Variants in GMCL1 observed in about 807,000 individuals in gnomAD.
GMCL1 encodes the protein germ cell-less 1, spermatogenesis associated, also known as germ cell-less protein-like 1.
GMCL1 carries 54 observed loss-of-function variants against 75.5 expected under a neutral mutation model. The ratio of observed to expected loss-of-function variants is 0.71; its 90% confidence interval spans 0.57 to 0.90. GMCL1 has a LOEUF of 0.90. Ranked by LOEUF, GMCL1 falls within the 40% of genes least tolerant of loss-of-function variation. The probability of loss-of-function intolerance (pLI) is 0.00; values close to 1 mark genes in which losing one functional copy is unlikely to be tolerated. For synonymous variants in GMCL1, 210 were observed against 209.6 expected (o/e 1.00, Z -0.02); for missense variants, 537 against 622.7 (o/e 0.86, Z 1.47).
In GMCL1 at chr2:69,830,172, C is replaced by CGCGCGG. The variant is rs1674630945; in HGVS notation, c.260+21_260+26dup. The CGCGCGG allele has an allele frequency of 6.5e-7, 1 of 1,547,432 alleles. No homozygotes were observed. The highest frequency in any genetic ancestry group is 8.7e-7 in the Non-Finnish European group (1 of 1,146,016). Reference sequence around the variant, plus strand: ...TCGAAGGTACGTGGGGGCACGCACCCGCGCGGACCCGGACCCGCACCTGTT... The same window carrying CGCGCGG: ...TCGAAGGTACGTGGGGGCACGCACCCGCGCGGGCGCGGACCCGGACCCGCACCTGTT... On this transcript the variant is annotated intron_variant, in intron 1 of 13. Coordinates refer to ENST00000282570, the MANE Select transcript of GMCL1 (RefSeq NM_178439.5).
intron 12 of GMCL1, among the ~76,000 whole-genome samples, chr2:69,870,354 ATTAAC>A (rs1326720550): frequency 6.6e-6 from 1 of 152,126 alleles, no homozygotes; most frequent in African/African-American, 2.4e-5. Context: ...AAATACAAAA[ATTAAC>A]TTAAAATGGA....
At chr2:69,874,852 G>A (rs1447440596) in intron 13 of GMCL1, among the ~76,000 whole-genome samples, 3 of 150,102 alleles carry the variant, frequency 2.0e-5, no homozygotes, top group Admixed American at 6.7e-5. Flanking sequence ...ACCTTTCCAC[G>A]CACCTCAGCC....
intron 11 of GMCL1, among the ~76,000 whole-genome samples, chr2:69,865,993 G>C (rs1184922923): frequency 6.6e-6 from 1 of 152,120 alleles, no homozygotes; most frequent in African/African-American, 2.4e-5. Context: ...GCTCATGCCT[G>C]TAATTCCAGC....
chr2:69,830,227 G>T (rs1674632950), intron 1 of GMCL1, 75 bp downstream of exon 1: 7 of 1,481,726 alleles, frequency 4.7e-6, no homozygotes, highest in Middle Eastern at 2.2e-4. Context: ...CGCCTCGTGC[G>T]CTTGCGGGGT....
chr2:69,838,586 T>A (rs916267658), intron 2 of GMCL1, among the ~76,000 whole-genome samples: 1 of 152,206 alleles, frequency 6.6e-6, no homozygotes, highest in African/African-American at 2.4e-5. Flanking sequence ...GAAAATGAAT[T>A]GCCTTCTCTA....
intron 1 of GMCL1, among the ~76,000 whole-genome samples, chr2:69,836,769 C>T (rs1359848813): frequency 6.6e-6 from 1 of 152,048 alleles, no homozygotes; most frequent in Non-Finnish European, 1.5e-5. Context: ...TTTTTTTAGT[C>T]AAGTCTTCCT....
chr2:69,863,075 TAC>T (rs950609099), intron 10 of GMCL1, among the ~76,000 whole-genome samples: 1 of 152,154 alleles, frequency 6.6e-6, no homozygotes, highest in African/African-American at 2.4e-5. Flanking sequence ...CCTTAAGAAG[TAC>T]AGTCATTTTG....
chr2:69,829,862 G>A lies in GMCL1; in HGVS notation c.-31G>A. 6.5e-7 allele frequency: 1 copy of A among 1,534,036 alleles called. No individual in the cohort carries two copies. Among genetic ancestry groups the A allele is most frequent in the Non-Finnish European group, 8.7e-7 (1 of 1,144,340 alleles). On this transcript the variant is annotated 5_prime_UTR_variant, in exon 1 of 14. The change creates a premature stop within an existing upstream ORF in the 5' untranslated region. Coordinates refer to ENST00000282570, the MANE Select transcript of GMCL1 (RefSeq NM_178439.5). Reference sequence around the variant, plus strand: ...CCATGGCGGGAGACCCCCTTCTCTGGGCTCCCTGAAGTCTCGGGGAGCCGT... The same window carrying A: ...CCATGGCGGGAGACCCCCTTCTCTGAGCTCCCTGAAGTCTCGGGGAGCCGT...
chr2:69,855,005 A>G lies in GMCL1; in HGVS notation c.1072+45A>G, dbSNP rs376710098. The G allele has an allele frequency of 2.2e-6, 3 of 1,337,194 alleles. No homozygotes were observed. The African/African-American group carries it at 4.5e-5, about 20-fold the overall frequency. The allele number at this position is 1,337,194 out of a possible 1,614,324, so 82.8% of individuals were successfully genotyped here. A position where few individuals can be genotyped will look rare whatever the true frequency, so the allele number is the denominator to read the frequency against. ...AATTTTAAGTAATATATTTCTGATTATAAAGTAATATAGATCATAGAAAAG... is the reference window on the plus strand; with the variant it reads ...AATTTTAAGTAATATATTTCTGATTGTAAAGTAATATAGATCATAGAAAAG... On this transcript the variant is annotated intron_variant, in intron 9 of 13. Transcript: ENST00000282570.
At chr2:69,868,270 C>G (rs948334887) in intron 11 of GMCL1, among the ~76,000 whole-genome samples, 3 of 152,050 alleles carry the variant, frequency 2.0e-5, no homozygotes, top group African/African-American at 7.2e-5. Flanking sequence ...ACAGTTATCA[C>G]CTCTACTAGG....
At chr2:69,841,614 G>C (rs1317902201) in intron 4 of GMCL1, among the ~76,000 whole-genome samples, 3 of 152,196 alleles carry the variant, frequency 2.0e-5, no homozygotes, top group Non-Finnish European at 4.4e-5. Context: ...TGTGTGGAGA[G>C]GGGAGGGAGG....
chr2:69,872,047 CTGTT>C (rs1675997556), intron 13 of GMCL1, among the ~76,000 whole-genome samples: 3 of 152,244 alleles, frequency 2.0e-5, no homozygotes, highest in East Asian at 1.9e-4. Flanking sequence ...AAAGAAAACA[CTGTT>C]TGAGGGGCAG....
intron 6 of GMCL1, among the ~76,000 whole-genome samples, chr2:69,846,949 C>T (rs191540551): frequency 2.0e-5 from 3 of 151,920 alleles, no homozygotes. Context: ...CCCACCCCTT[C>T]AGCCTCCCGA....
chr2:69,839,446 T>TTG lies in GMCL1; in HGVS notation c.385-10_385-9insGT, dbSNP rs1558537760. On this transcript the variant is annotated splice_polypyrimidine_tract_variant and intron_variant, in intron 2 of 13. Coordinates refer to ENST00000282570, the MANE Select transcript of GMCL1 (RefSeq NM_178439.5). ...GTACTTGATAATCGTTGACTTTTTT[T>TTG]TTTGTTTAAGTCTGGCTACTTTTCT... 6.5e-6 allele frequency: 10 copies of TTG among 1,534,458 alleles called. No individual in the cohort carries two copies. The highest frequency in any genetic ancestry group is 1.4e-5 in the African/African-American group (1 of 72,256).
In GMCL1 at chr2:69,854,967, G is replaced by A. The variant is rs780960635; in HGVS notation, c.1072+7G>A. The A allele has an allele frequency of 3.2e-6, 5 of 1,577,030 alleles. No homozygotes were observed. The highest frequency in any genetic ancestry group is 1.4e-5 in the African/African-American group (1 of 73,112). On this transcript the variant is annotated splice_region_variant and intron_variant, in intron 9 of 13. Transcript: ENST00000282570. ...GATGCTGTAGTACCTTCAGGTAAGA[G>A]AACATAATTTGTAATTTTAAGTAAT... is the stretch of plus-strand genomic sequence containing the variant.
chr2:69,871,225 T>C (rs955339164), intron 12 of GMCL1, among the ~76,000 whole-genome samples: 1 of 152,158 alleles, frequency 6.6e-6, no homozygotes, highest in African/African-American at 2.4e-5. Flanking sequence ...ATGCTAAACA[T>C]GGATGAACCT....
intron 3 of GMCL1, 66 bp downstream of exon 3, chr2:69,839,619 A>G: frequency 9.5e-7 from 1 of 1,056,482 alleles, no homozygotes; most frequent in Non-Finnish European, 1.5e-6. Context: ...TTCTGGTAGA[A>G]GATAAATAAT....
At chr2:69,845,382 A>G (rs1430442234) in intron 6 of GMCL1, among the ~76,000 whole-genome samples, 1 of 152,178 alleles carries the variant, frequency 6.6e-6, no homozygotes, top group Non-Finnish European at 1.5e-5. Flanking sequence ...AAAAACCTAC[A>G]AGAAATATGG....
chr2:69,873,101 G>C lies in GMCL1; in HGVS notation c.1452+1269G>C, dbSNP rs539181410. On this transcript the variant is annotated intron_variant, in intron 13 of 13. Coordinates refer to ENST00000282570, the MANE Select transcript of GMCL1 (RefSeq NM_178439.5). ...AACTGAGCAGCTGCCGTGGTTGGGG[G>C]TGGTTATTGGAGGAGGAGGAGAAAG... 5.9e-5 allele frequency among the ~76,000 whole-genome samples: 9 copies of C among 152,298 alleles called. No individual in the cohort carries two copies. In the East Asian group the frequency reaches 1.7e-3, roughly 29 times the overall value.
Sources: gnomAD v4.1 joint callset for allele counts (sites outside exome capture counted in the v4.1 genomes callset) on GRCh38, gnomAD v4.1.1 for gene constraint, MANE v1.5 for transcripts, NCBI Gene and HGNC (gene_info 2026-07-23, HGNC 2026-07-21) for gene names.